The following KRR1 variants were observed in gnomAD, a reference collection of about 807,000 sequenced individuals.
The protein encoded by KRR1 is KRR1 small subunit processome component.
Under a neutral mutation model 50.0 loss-of-function variants are expected in KRR1, and 23 were observed. That is an observed-to-expected ratio of 0.46 (90% CI 0.33 to 0.65). The LOEUF (loss-of-function observed/expected upper bound fraction) is 0.65. Among genes scored for constraint, KRR1 ranks in the 30% least tolerant of loss-of-function variants. The pLI is 0.02. For synonymous variants in KRR1, 133 were observed against 146.3 expected, an observed-to-expected ratio of 0.91 and a Z score of 0.66; for missense variants, 419 against 442.4, an observed-to-expected ratio of 0.95 and a Z score of 0.47.
rs199814144 is a variant in KRR1, at chr12:75,495,563, C to T, written c.*4246G>A. The T allele has an allele frequency of 2.1e-5, 31 of 1,506,990 alleles. No homozygotes were observed. Among genetic ancestry groups the T allele is most frequent in the Non-Finnish European group, 2.8e-5 (30 of 1,083,584 alleles). The allele number at this position is 1,506,990 out of a possible 1,614,324, so 93.4% of individuals were successfully genotyped here. On this transcript the variant is annotated 3_prime_UTR_variant, in exon 10 of 10. Transcript: ENST00000229214. ...CGAAAAACTTCTAATGGACATCCTT[C>T]TTCTGCTTTACAGAGGGAATTACCC...
In KRR1 at chr12:75,495,997, GTTTTTTTTTTTGT is replaced by G. The variant is rs1274383068; in HGVS notation, c.*3799_*3811del. 1 of 131,210 alleles carries G rather than the reference GTTTTTTTTTTTGT, an allele frequency of 7.6e-6. No individual in the cohort carries two copies. Among genetic ancestry groups the G allele is most frequent in the East Asian group, 2.2e-4 (1 of 4,576 alleles). The allele number at this position is 131,210 out of a possible 1,614,324, so 8.1% of individuals were successfully genotyped here. ...TCCAAACAAACAGAATTCTGTTTTC[GTTTTTTTTTTTGT>G]TTTTTTTTTTTGAGACAGAGTCTTG... On this transcript the variant is annotated 3_prime_UTR_variant, in exon 10 of 10. Coordinates refer to ENST00000229214, the MANE Select transcript of KRR1 (RefSeq NM_007043.7).
rs1004283271 is a variant in KRR1, at chr12:75,495,439, T to C, written c.*4370A>G. ...GCAGCCTTCCATTTCTGCCTTCCTG[T>C]CTTCACTTCTATTACCAACTCTCTG... On this transcript the variant is annotated 3_prime_UTR_variant, in exon 10 of 10. Transcript: ENST00000229214. 2.8e-5 allele frequency: 16 copies of C among 580,716 alleles called. No homozygotes were observed. Among genetic ancestry groups the C allele is most frequent in the Non-Finnish European group, 4.8e-5 (15 of 315,068 alleles). 36.0% of individuals were successfully genotyped at this position (580,716 alleles called of 1,614,324 possible).
In KRR1 at chr12:75,499,865, C is replaced by T. The variant is rs1177607491; in HGVS notation, c.1090G>A (p.Glu364Lys). ...GCCTCCATCTTAAGTGCAATTTCTT[C>T]AGCTGTAAGAGCTCCCAGTTTCTTA... ...KNKKLGALTA[E>K]EIALKMEADE... Residue 364 changes from glutamate (E) to lysine (K), a missense_variant, in exon 10 of 10, where the codon GAA becomes AAA. Transcript: ENST00000229214. 12 of 1,607,970 alleles carry T rather than the reference C, an allele frequency of 7.5e-6. No homozygotes were observed. The highest frequency in any genetic ancestry group is 1.0e-5 in the Non-Finnish European group (12 of 1,177,354).
intron 5 of KRR1, 129 bp from the exon 6 acceptor site, chr12:75,505,383 C>G: frequency 1.1e-6 from 1 of 870,756 alleles, no homozygotes; most frequent in Non-Finnish European, 1.7e-6. Context: ...TAAGTAGTTC[C>G]TTCAACTGCT....
intron 1 of KRR1, among the ~76,000 whole-genome samples, chr12:75,508,820 G>C (rs1752989914): frequency 6.6e-6 from 1 of 152,142 alleles, no homozygotes; most frequent in African/African-American, 2.4e-5. Flanking sequence ...ATTTTGGTTA[G>C]TATTTTAAAT....
rs1426240622 is a variant in KRR1, at chr12:75,505,201, A to G, written c.657T>C (p.Ile219=). The G allele has an allele frequency of 6.4e-7, 1 of 1,557,780 alleles. No individual in the cohort carries two copies. Among genetic ancestry groups the G allele is most frequent in the South Asian group, 1.2e-5 (1 of 86,302 alleles). ...GTTATATATAATTACCACTCACTTT[A>G]ATGTTATAAATTGGATGAATATTCT... The part of the protein sequence containing the change: ...TMKNIHPIYN[I]KSLMIKRELA... Residue 219 remains isoleucine, a synonymous_variant, in exon 6 of 10, where the codon ATT becomes ATC. Transcript: ENST00000229214.
Position 75,498,775 on chromosome 12 carries a change from G to A in KRR1, c.*1034C>T. On this transcript the variant is annotated 3_prime_UTR_variant, in exon 10 of 10. Transcript: ENST00000229214. ...TAAGAGCTATGTGAATTCTGTCAGT[G>A]CATTATGAGGAACAATGTCTAAGAG... 4.4e-6 allele frequency: 7 copies of A among 1,605,526 alleles called. No homozygotes were observed. The highest frequency in any genetic ancestry group is 5.1e-6 in the Non-Finnish European group (6 of 1,172,504).
In KRR1 at chr12:75,491,177, ATTG is replaced by A. The variant is rs1228279802; in HGVS notation, c.*8629_*8631del. The A allele has an allele frequency of 2.8e-5, 2 of 70,648 alleles. No homozygotes were observed. Among genetic ancestry groups the A allele is most frequent in the African/African-American group, 7.6e-5 (2 of 26,370 alleles). 4.4% of individuals were successfully genotyped at this position (70,648 alleles called of 1,614,324 possible). A position where few individuals can be genotyped will look rare whatever the true frequency, so the allele number is the denominator to read the frequency against. On this transcript the variant is annotated 3_prime_UTR_variant, in exon 10 of 10. Transcript: ENST00000229214. The stretch of plus-strand genomic sequence containing the variant: ...GTGATTTTAATCATAAAAATGATAG[ATTG>A]TTTATATAATGCTTACAATGCTCTC...
Position 75,499,654 on chromosome 12 carries a change from A to G in KRR1, c.*155T>C. 2.5e-6 allele frequency: 1 copy of G among 401,154 alleles called. No homozygotes were observed. The highest frequency in any genetic ancestry group is 2.1e-5 in the African/African-American group (1 of 47,764). 24.8% of individuals were successfully genotyped at this position (401,154 alleles called of 1,614,324 possible). ...AAATTTTTCAAAAAATACAATAATA[A>G]TATAATTTATAAAGAACACTCTTCT... On this transcript the variant is annotated 3_prime_UTR_variant, in exon 10 of 10. Coordinates refer to ENST00000229214, the MANE Select transcript of KRR1 (RefSeq NM_007043.7).
rs561794738 is a variant in KRR1, at chr12:75,498,993, GA to G, written c.*815del. ...TTTTGGACTAATACAATTCAGGAAA[GA>G]AAAAACCCAAAAACCAACCTCATTC... On this transcript the variant is annotated 3_prime_UTR_variant, in exon 10 of 10. Coordinates refer to ENST00000229214, the MANE Select transcript of KRR1 (RefSeq NM_007043.7). 2 of 1,519,968 alleles carry G rather than the reference GA, an allele frequency of 1.3e-6. No individual in the cohort carries two copies. Among genetic ancestry groups the G allele is most frequent in the Admixed American group, 2.3e-5 (1 of 43,374 alleles). The allele number at this position is 1,519,968 out of a possible 1,614,324, so 94.2% of individuals were successfully genotyped here. A position where few individuals can be genotyped will look rare whatever the true frequency, so the allele number is the denominator to read the frequency against.
Position 75,495,728 on chromosome 12 carries a change from A to C in KRR1, c.*4081T>G, listed in dbSNP as rs1464023408. On this transcript the variant is annotated 3_prime_UTR_variant, in exon 10 of 10. Transcript: ENST00000229214. The stretch of plus-strand genomic sequence containing the variant: ...GTAACATGTAACTTTCTACAGAATT[A>C]ACAATGAAACCATGTTTTATCTTAA... The C allele has an allele frequency of 4.3e-6, 4 of 933,722 alleles. No homozygotes were observed. Among genetic ancestry groups the C allele is most frequent in the Non-Finnish European group, 6.8e-6 (4 of 587,464 alleles). The allele number at this position is 933,722 out of a possible 1,614,324, so 57.8% of individuals were successfully genotyped here.
chr12:75,506,900 A>T lies in KRR1; in HGVS notation c.275T>A (p.Leu92Gln). 1 of 1,601,270 alleles carries T rather than the reference A, an allele frequency of 6.2e-7. No individual in the cohort carries two copies. Among genetic ancestry groups the T allele is most frequent in the Non-Finnish European group, 8.5e-7 (1 of 1,175,808 alleles). ...ALNEHHVNATLDLIEGSMTVC... is the reference protein window; with the variant it reads ...ALNEHHVNATQDLIEGSMTVC... ...AGTCATGCTGCCTTCGATCAGGTCC[A>T]GGGTTGCATTAACATGCTACAGAAG... The change falls in exon 3 of 10, where the codon CTG becomes CAG. Residue 92 changes from leucine (L) to glutamine (Q), a missense_variant. Transcript: ENST00000229214.
At position 75,495,608 on chromosome 12, in the gene KRR1, G is replaced by A; in HGVS notation, c.*4201C>T. 6.2e-7 allele frequency: 1 copy of A among 1,610,776 alleles called. No homozygotes were observed. The highest frequency in any genetic ancestry group is 8.5e-7 in the Non-Finnish European group (1 of 1,177,098). ...TTACCCAACTTGGCCATATAAGAGAGGAGCCACCTGCAGTGCCTGCCCCAA... is the reference window on the plus strand; with the variant it reads ...TTACCCAACTTGGCCATATAAGAGAAGAGCCACCTGCAGTGCCTGCCCCAA... On this transcript the variant is annotated 3_prime_UTR_variant, in exon 10 of 10. Coordinates refer to ENST00000229214, the MANE Select transcript of KRR1 (RefSeq NM_007043.7).
intron 9 of KRR1, 45 bp from the exon 10 acceptor site, chr12:75,499,996 C>G: frequency 6.9e-7 from 1 of 1,445,490 alleles, no homozygotes; most frequent in Non-Finnish European, 9.4e-7. Flanking sequence ...TTAGATTTTA[C>G]CAAGTAAAAC....
chr12:75,496,804 T>C lies in KRR1; in HGVS notation c.*3005A>G, dbSNP rs899792416. ...CCTTGCAGGCCTAAAATTATAAAATTCTATATATTAAACTGCTTGCTCTCC... is the reference window on the plus strand; with the variant it reads ...CCTTGCAGGCCTAAAATTATAAAATCCTATATATTAAACTGCTTGCTCTCC... On this transcript the variant is annotated 3_prime_UTR_variant, in exon 10 of 10. Coordinates refer to ENST00000229214, the MANE Select transcript of KRR1 (RefSeq NM_007043.7). 4.6e-5 allele frequency: 7 copies of C among 152,204 alleles called. No homozygotes were observed. Among genetic ancestry groups the C allele is most frequent in the Admixed American group, 6.5e-5 (1 of 15,278 alleles). The allele number at this position is 152,204 out of a possible 1,614,324, so 9.4% of individuals were successfully genotyped here. A position where few individuals can be genotyped will look rare whatever the true frequency, so the allele number is the denominator to read the frequency against.
intron 1 of KRR1, among the ~76,000 whole-genome samples, chr12:75,510,061 T>C (rs1396637240): frequency 1.3e-5 from 2 of 152,100 alleles, no homozygotes; most frequent in Admixed American, 6.6e-5. Flanking sequence ...TGCAACCTCA[T>C]AGGTGATCAG....
Position 75,499,063 on chromosome 12 carries a change from T to C in KRR1, c.*746A>G, listed in dbSNP as rs1188422694. 7.2e-6 allele frequency: 6 copies of C among 829,292 alleles called. No homozygotes were observed. In the African/African-American group the frequency reaches 8.8e-5, roughly 12 times the overall value. The allele number at this position is 829,292 out of a possible 1,614,324, so 51.4% of individuals were successfully genotyped here. A position where few individuals can be genotyped will look rare whatever the true frequency, so the allele number is the denominator to read the frequency against. ...AACCAATAACAATTAGGTGTACTTC[T>C]ATTTTAAAACATTTCAGAAAAAAAT... On this transcript the variant is annotated 3_prime_UTR_variant, in exon 10 of 10. Coordinates refer to ENST00000229214, the MANE Select transcript of KRR1 (RefSeq NM_007043.7).
Position 75,499,002 on chromosome 12 carries a change from C to A in KRR1, c.*807G>T. On this transcript the variant is annotated 3_prime_UTR_variant, in exon 10 of 10. Transcript: ENST00000229214. ...AATACAATTCAGGAAAGAAAAAACC[C>A]AAAAACCAACCTCATTCACATATGG... 1 of 1,502,024 alleles carries A rather than the reference C, an allele frequency of 6.7e-7. No homozygotes were observed. The allele number at this position is 1,502,024 out of a possible 1,614,324, so 93.0% of individuals were successfully genotyped here. A position where few individuals can be genotyped will look rare whatever the true frequency, so the allele number is the denominator to read the frequency against.
intron 9 of KRR1, 98 bp downstream of exon 9, chr12:75,501,625 T>C (rs1367518460): frequency 1.3e-6 from 1 of 763,160 alleles, no homozygotes; most frequent in Admixed American, 2.5e-5. Context: ...AGAGAACTGA[T>C]GAAAAGATAC....
Sources: allele counts gnomAD v4.1 joint callset (sites outside exome capture counted in the v4.1 genomes callset), GRCh38; gene constraint gnomAD v4.1.1; transcripts MANE v1.5; gene names NCBI Gene and HGNC (gene_info 2026-07-23, HGNC 2026-07-21).